The following WDR27 variants were observed in gnomAD, a reference collection of about 807,000 sequenced individuals.
WDR27 encodes WD repeat-containing protein 27.
In WDR27, 100 loss-of-function variants were observed where a neutral mutation model predicts 114.4. That is an observed-to-expected ratio of 0.87 (90% CI 0.74 to 1.03). WDR27 has a LOEUF of 1.03. Among genes scored for constraint, WDR27 ranks in the 50% least tolerant of loss-of-function variants. WDR27 has a pLI of 0.00. For missense variants in WDR27, 1,129 were observed against 1,092.9 expected (o/e 1.03, Z -0.47); for synonymous variants, 449 against 423.1 (o/e 1.06, Z -0.75).
intron 2 of WDR27, among the ~76,000 whole-genome samples, chr6:169,681,008 A>G (rs1236166860): frequency 6.6e-6 from 1 of 152,228 alleles, no homozygotes; most frequent in East Asian, 1.9e-4. Flanking sequence ...GAAATCCTCA[A>G]GAATATAGAA....
At chr6:169,691,024 G>A (rs1784368318) in intron 1 of WDR27, among the ~76,000 whole-genome samples, 1 of 152,140 alleles carries the variant, frequency 6.6e-6, no homozygotes, top group Admixed American at 6.5e-5. Context: ...GACCATCCTG[G>A]CTAACACGGT....
rs139853663 is a variant in WDR27 at position 169,648,517 on chromosome 6, G to A, written c.1560-647C>T. On this transcript the variant is annotated intron_variant, in intron 15 of 25. Transcript: ENST00000448612. Reference sequence around the variant, plus strand: ...AATGCATTTTGCTGCAAGCACGTGCGTAATATCAGGCAGAACGTGGCAGGA... The same window carrying A: ...AATGCATTTTGCTGCAAGCACGTGCATAATATCAGGCAGAACGTGGCAGGA... Among the ~76,000 whole-genome samples, 494 of 152,366 alleles carry A rather than the reference G, an allele frequency of 3.2e-3. 7 individuals are homozygous for A. Among genetic ancestry groups the A allele is most frequent in the African/African-American group, 0.011 (477 of 41,584 alleles).
chr6:169,582,038 G>A (rs2867150), intron 24 of WDR27, among the ~76,000 whole-genome samples: 62,311 of 152,010 alleles, frequency 0.41, 14,983 homozygotes, highest in East Asian at 0.85. Context: ...TAGTGGCATG[G>A]TCTCGACTCA....
chr6:169,484,573 T>C (rs2115404036), intron 25 of WDR27, among the ~76,000 whole-genome samples: 1 of 152,282 alleles, frequency 6.6e-6, no homozygotes, highest in South Asian at 2.1e-4. Context: ...GAAGAATCAA[T>C]ATCATTAAAA....
rs150919690 is a variant in WDR27 at position 169,583,463 on chromosome 6, TTG to T, written c.2425-531_2425-530del. 9.7e-4 allele frequency among the ~76,000 whole-genome samples: 100 copies of T among 103,558 alleles called. 1 individual carries two copies. The Middle Eastern group carries it at 0.015, about 16-fold the overall frequency. The allele number at this position is 103,558 out of a possible 152,430, so 67.9% of individuals were successfully genotyped here. On this transcript the variant is annotated intron_variant, in intron 23 of 25. Transcript: ENST00000448612. ...TGTTGATAAATAAGTTCCTCTTTAA[TTG>T]TGTGTGTGTGTGTGTATATATACAT...
intron 14 of WDR27, among the ~76,000 whole-genome samples, chr6:169,651,184 G>T (rs868854422): frequency 5.4e-5 from 5 of 92,524 alleles, no homozygotes; most frequent in Non-Finnish European, 1.0e-4. Context: ...AGTGCGGGGC[G>T]GGGGGGGGGA....
At chr6:169,487,411 G>C (rs1201864267) in intron 25 of WDR27, among the ~76,000 whole-genome samples, 2 of 152,264 alleles carry the variant, frequency 1.3e-5, no homozygotes, top group African/African-American at 2.4e-5. Context: ...CGTTTGCAAA[G>C]AGGAGGAGTG....
At chr6:169,534,588 A>G (rs1413203150) in intron 25 of WDR27, among the ~76,000 whole-genome samples, 1 of 151,942 alleles carries the variant, frequency 6.6e-6, no homozygotes, top group Non-Finnish European at 1.5e-5. Flanking sequence ...ATCTAGTTCA[A>G]TGTTCTACTT....
At chr6:169,431,256 G>T in the WDR27 span, among the ~76,000 whole-genome samples, 1 of 152,276 alleles carries the variant, frequency 6.6e-6, no homozygotes, top group African/African-American at 2.4e-5. Context: ...CTGTATGTGT[G>T]TCCTAAATTG....
At chr6:169,645,639 A>G (rs1054368186) in intron 16 of WDR27, among the ~76,000 whole-genome samples, 3 of 151,696 alleles carry the variant, frequency 2.0e-5, no homozygotes, top group African/African-American at 7.3e-5. Flanking sequence ...ACAGGGTCAC[A>G]CTGTAGAAAA....
At chr6:169,514,026 A>G (rs1562518275) in intron 25 of WDR27, among the ~76,000 whole-genome samples, 1 of 152,278 alleles carries the variant, frequency 6.6e-6, no homozygotes, top group East Asian at 1.9e-4. Flanking sequence ...GCAGCTGGCA[A>G]TCTACATTGA....
intron 23 of WDR27, among the ~76,000 whole-genome samples, chr6:169,590,727 TC>T (rs1805570318): frequency 6.6e-6 from 1 of 152,218 alleles, no homozygotes; most frequent in Non-Finnish European, 1.5e-5. Context: ...CTCTGGCACT[TC>T]CTCTTGTAAA....
chr6:169,610,234 G>A (rs945314550), intron 22 of WDR27, among the ~76,000 whole-genome samples: 3 of 152,104 alleles, frequency 2.0e-5, no homozygotes, highest in African/African-American at 7.2e-5. Context: ...CCACATTTTT[G>A]GATATCTTCT....
the WDR27 span, among the ~76,000 whole-genome samples, chr6:169,450,036 C>T: frequency 6.6e-6 from 1 of 152,184 alleles, no homozygotes; most frequent in Non-Finnish European, 1.5e-5. Flanking sequence ...TTCCAGAAGT[C>T]ACACTCACCA....
chr6:169,571,693 CG>C (rs1313290538), intron 25 of WDR27, among the ~76,000 whole-genome samples: 1 of 152,074 alleles, frequency 6.6e-6, no homozygotes, highest in Non-Finnish European at 1.5e-5. Flanking sequence ...AATAATTAGT[CG>C]GGGGTGGTGG....
At chr6:169,656,920 A>G (rs1824369807) in intron 13 of WDR27, among the ~76,000 whole-genome samples, 1 of 152,234 alleles carries the variant, frequency 6.6e-6, no homozygotes, top group Non-Finnish European at 1.5e-5. Context: ...CCGAGGAGTC[A>G]GCTTGGCCCA....
chr6:169,485,706 C>T (rs1418479717), intron 25 of WDR27, among the ~76,000 whole-genome samples: 3 of 152,116 alleles, frequency 2.0e-5, no homozygotes, highest in African/African-American at 4.8e-5. Context: ...GACACATGTA[C>T]GTGTACGTTC....
At chr6:169,465,258 CAAAAAA>C (rs56688798) in intron 25 of WDR27, among the ~76,000 whole-genome samples, 5 of 101,220 alleles carry the variant, frequency 4.9e-5, no homozygotes, top group African/African-American at 1.8e-4. Flanking sequence ...AACTCCATCT[CAAAAAA>C]AAAAAAAAAA....
chr6:169,525,094 T>C (rs1562531760), intron 25 of WDR27, among the ~76,000 whole-genome samples: 2 of 151,852 alleles, frequency 1.3e-5, no homozygotes, highest in Admixed American at 1.3e-4. Flanking sequence ...AAATAAAAAA[T>C]TAAATCCAAT....
Sources: allele counts gnomAD v4.1 joint callset (sites outside exome capture counted in the v4.1 genomes callset), GRCh38; gene constraint gnomAD v4.1.1; transcripts MANE v1.5; gene names NCBI Gene and HGNC (gene_info 2026-07-23, HGNC 2026-07-21).